DMD: variants seen among roughly 807,000 people sequenced by gnomAD.
The protein encoded by DMD is mutant dystrophin.
In DMD, 63 loss-of-function variants were observed where a neutral mutation model predicts 330.1. The observed-to-expected ratio is 0.19, with a 90% CI of 0.16 to 0.24. The LOEUF (loss-of-function observed/expected upper bound fraction) is 0.24, where lower values mean the gene tolerates loss of function less well. Ranked by LOEUF, DMD falls within the 10% of genes least tolerant of loss-of-function variation. The pLI is 1.00. For synonymous variants in DMD, 1,223 were observed against 959.8 expected (o/e 1.27, Z -5.07); for missense variants, 3,344 against 2,684.1 (o/e 1.25, Z -5.43).
intron 2 of DMD, among the ~76,000 whole-genome samples, chrX:32,915,120 T>G (rs1478407783): frequency 1.9e-5 from 2 of 104,633 alleles, no homozygotes; most frequent in African/African-American, 3.4e-5. Context: ...GATTATAAAT[T>G]CAGGCAATGT....
chrX:31,385,718 G>C (rs1217618826), intron 60 of DMD, among the ~76,000 whole-genome samples: 1 of 112,201 alleles, frequency 8.9e-6, no homozygotes, highest in African/African-American at 3.2e-5. Context: ...TCATTCAAAA[G>C]TCAGGAAACA....
At chrX:31,466,496 T>C (rs1341059224) in intron 59 of DMD, among the ~76,000 whole-genome samples, 1 of 111,604 alleles carries the variant, frequency 9.0e-6, no homozygotes, top group Non-Finnish European at 1.9e-5. Flanking sequence ...GCATTATTTC[T>C]GAGGCCTCTG....
chrX:32,411,794 A>T lies in DMD; in HGVS notation c.4191T>A (p.Ile1397=). The change falls in exon 30 of 79, where the codon ATT becomes ATA. Residue 1397 remains isoleucine, a synonymous_variant. Transcript: ENST00000357033. The part of the protein sequence containing the change: ...TFIDKQLAAY[I]ADKVDAAQMP... ...TTTGAGCTGCGTCCACCTTGTCTGC[A>T]ATATAAGCTGCCAACTGCTTGTCAA... is the stretch of plus-strand genomic sequence containing the variant. 3 of 1,211,548 alleles carry T rather than the reference A, an allele frequency of 2.5e-6. No individual in the cohort carries two copies. In the South Asian group the frequency reaches 5.3e-5, roughly 21 times the overall value.
chrX:31,898,567 C>T (rs953296658), intron 47 of DMD, among the ~76,000 whole-genome samples: 2 of 111,593 alleles, frequency 1.8e-5, no homozygotes, highest in African/African-American at 6.5e-5. Flanking sequence ...GCTAGCCATA[C>T]GTAGAAAGCT....
chrX:32,037,551 T>C (rs1311380747), intron 44 of DMD, among the ~76,000 whole-genome samples: 1 of 111,794 alleles, frequency 8.9e-6, no homozygotes, highest in Non-Finnish European at 1.9e-5. Context: ...CCTCCTTCCA[T>C]TGATTCAAAC....
intron 17 of DMD, among the ~76,000 whole-genome samples, chrX:32,533,452 C>A (rs770990741): frequency 5.4e-5 from 6 of 111,766 alleles, no homozygotes; most frequent in African/African-American, 1.9e-4. Flanking sequence ...TCATCTTGAG[C>A]CCAATGCTTC....
chrX:32,725,245 G>C (rs1334481209), intron 7 of DMD, among the ~76,000 whole-genome samples: 3 of 110,856 alleles, frequency 2.7e-5, no homozygotes, highest in Non-Finnish European at 5.7e-5. Context: ...GCTTGAGAGA[G>C]GGATCCCACT....
At chrX:32,018,057 A>G (rs1258453230) in intron 44 of DMD, among the ~76,000 whole-genome samples, 1 of 111,380 alleles carries the variant, frequency 9.0e-6, no homozygotes, top group Non-Finnish European at 1.9e-5. Context: ...CAGATAATAT[A>G]TCTGCACATA....
At chrX:31,329,908 T>C (rs1403365149) in intron 61 of DMD, among the ~76,000 whole-genome samples, 1 of 93,479 alleles carries the variant, frequency 1.1e-5, no homozygotes. Flanking sequence ...GAGGTGGAGG[T>C]TGCAGTCAGC....
intron 48 of DMD, among the ~76,000 whole-genome samples, chrX:31,854,290 T>C (rs752265296): frequency 8.9e-6 from 1 of 111,947 alleles, no homozygotes; most frequent in Non-Finnish European, 1.9e-5. Flanking sequence ...GCAGCACATT[T>C]TTCTTGGTGA....
intron 7 of DMD, among the ~76,000 whole-genome samples, chrX:32,721,097 T>G (rs760757189): frequency 9.0e-6 from 1 of 111,283 alleles, no homozygotes; most frequent in Admixed American, 9.6e-5. Context: ...TCACAATTTC[T>G]TTATCTGTCA....
In DMD at chrX:32,679,402, T is replaced by A. The variant is rs573651088; in HGVS notation, c.960+18468A>T. 1.9e-4 allele frequency among the ~76,000 whole-genome samples: 21 copies of A among 111,248 alleles called. No homozygotes were observed. In the South Asian group the frequency reaches 5.7e-3, roughly 30 times the overall value. On this transcript the variant is annotated intron_variant, in intron 9 of 78. Transcript: ENST00000357033. ...CATTTACTGATTCCACAATATGCAA[T>A]TCAGATTTAGTAAAGAACATTTACT... is the stretch of plus-strand genomic sequence containing the variant.
intron 30 of DMD, among the ~76,000 whole-genome samples, chrX:32,411,377 C>A (rs2098141253): frequency 9.0e-6 from 1 of 110,989 alleles, no homozygotes; most frequent in Non-Finnish European, 1.9e-5. Flanking sequence ...GATTCGTGGG[C>A]CTCAGCATCC....
chrX:31,966,555 G>C (rs1441297422), intron 45 of DMD, among the ~76,000 whole-genome samples: 1 of 110,126 alleles, frequency 9.1e-6, no homozygotes, highest in African/African-American at 3.3e-5. Context: ...AAGCACTGAA[G>C]TGCAATATTT....
intron 2 of DMD, among the ~76,000 whole-genome samples, chrX:32,897,796 T>G (rs2085863112): frequency 8.9e-6 from 1 of 111,930 alleles, no homozygotes. Flanking sequence ...GTTCAATGGA[T>G]TAGTAGACAA....
chrX:32,486,640 T>C (rs1378303288), intron 20 of DMD, among the ~76,000 whole-genome samples: 1 of 108,561 alleles, frequency 9.2e-6, no homozygotes, highest in African/African-American at 3.3e-5. Context: ...ATGGTACTGG[T>C]ACCAAAACAG....
chrX:31,240,981 C>T (rs1034551575), intron 63 of DMD, among the ~76,000 whole-genome samples: 1 of 110,564 alleles, frequency 9.0e-6, no homozygotes, highest in Admixed American at 9.7e-5. Flanking sequence ...AGTAATAGTA[C>T]CTATTCCTAG....
chrX:31,522,957 C>T (rs1427073859), intron 55 of DMD, among the ~76,000 whole-genome samples: 1 of 111,498 alleles, frequency 9.0e-6, no homozygotes, highest in African/African-American at 3.3e-5. Flanking sequence ...GTCATTCACA[C>T]GTGCCTGTGA....
chrX:32,136,461 C>A (rs1238275959), intron 44 of DMD, among the ~76,000 whole-genome samples: 1 of 112,409 alleles, frequency 8.9e-6, no homozygotes, highest in Non-Finnish European at 1.9e-5. Context: ...TTATGAAAAA[C>A]ATTCCATTCC....
Sources: gnomAD v4.1 joint callset for allele counts (sites outside exome capture counted in the v4.1 genomes callset) on GRCh38, gnomAD v4.1.1 for gene constraint, MANE v1.5 for transcripts, NCBI Gene and HGNC (gene_info 2026-07-23, HGNC 2026-07-21) for gene names.